CAPN7: variants seen among roughly 807,000 people sequenced by gnomAD.
The protein encoded by CAPN7 is calpain-7.
In CAPN7, 72 loss-of-function variants were observed where a neutral mutation model predicts 115.2. The ratio of observed to expected loss-of-function variants is 0.63; its 90% CI spans 0.52 to 0.76. The LOEUF (loss-of-function observed/expected upper bound fraction) is 0.76. Ranked by LOEUF, CAPN7 falls within the 30% of genes least tolerant of loss-of-function variation. CAPN7 has a pLI of 0.00. For missense variants in CAPN7, 905 were observed against 971.5 expected (o/e 0.93, Z 0.91); for synonymous variants, 344 against 322.3 (o/e 1.07, Z -0.72).
In CAPN7 at chr3:15,220,891, C is replaced by G. The variant is rs751758328; in HGVS notation, c.548C>G (p.Pro183Arg). Residue 183 changes from proline to arginine, a missense_variant, in exon 5 of 21, where the codon CCC becomes CGC. Physicochemically the swap from Pro to Arg is moderately radical, Grantham distance 103. Around this residue, in one of 3 missense-constraint regions of CAPN7, gnomAD observed 271 missense variants for 239.6 expected, o/e 1.13. Transcript: ENST00000253693. ...VRAHFPLGANPFLERPQSFIS... is the reference protein window; with the variant it reads ...VRAHFPLGANRFLERPQSFIS... Reference sequence around the variant, plus strand: ...GCACATTTTCCACTGGGCGCTAATCCCTTCCTTGAAAGACCTCAGTCATTT... The same window carrying G: ...GCACATTTTCCACTGGGCGCTAATCGCTTCCTTGAAAGACCTCAGTCATTT... 6 of 1,614,042 alleles carry G rather than the reference C, an allele frequency of 3.7e-6. No homozygotes were observed. Among genetic ancestry groups the G allele is most frequent in the Admixed American group, 1.7e-5 (1 of 59,992 alleles).
intron 19 of CAPN7, among the ~76,000 whole-genome samples, chr3:15,250,636 C>T (rs964191884): frequency 2.0e-5 from 3 of 152,188 alleles, no homozygotes; most frequent in African/African-American, 7.2e-5. Flanking sequence ...CGTGCCTCTG[C>T]ACTCTAACCT....
chr3:15,240,737 A>T lies in CAPN7; in HGVS notation c.1553-17A>T, dbSNP rs1452998107. 6.3e-7 allele frequency: 1 copy of T among 1,585,450 alleles called. No homozygotes were observed. The highest frequency in any genetic ancestry group is 8.6e-7 in the Non-Finnish European group (1 of 1,158,954). ...GCATTAAGATTTTTTTAGATTAACAAAGATATTAATTTTCAGGAATATTTT... is the reference window on the plus strand; with the variant it reads ...GCATTAAGATTTTTTTAGATTAACATAGATATTAATTTTCAGGAATATTTT... On this transcript the variant is annotated splice_polypyrimidine_tract_variant and intron_variant, in intron 13 of 20. Transcript: ENST00000253693.
chr3:15,240,518 T>G lies in CAPN7; in HGVS notation c.1453T>G (p.Trp485Gly), dbSNP rs1328783083. The change falls in exon 13 of 21, where the codon TGG becomes GGG. Residue 485 changes from tryptophan (W) to glycine (G), a missense_variant. By Grantham distance (184) the Trp-to-Gly change is radical (BLOSUM62 -2). Around this residue, in one of 3 missense-constraint regions of CAPN7, gnomAD observed 620 missense variants for 703.4 expected, o/e 0.88. Coordinates refer to ENST00000253693, the MANE Select transcript of CAPN7 (RefSeq NM_014296.3). ...QLKNPWSHLR[W>G]KGRYSENDVK... ...GAAAAATCCTTGGAGTCATTTACGT[T>G]GGAAAGGAAGATACAGTGAAAATGA... 1 of 1,612,454 alleles carries G rather than the reference T, an allele frequency of 6.2e-7. No individual in the cohort carries two copies. Among genetic ancestry groups the G allele is most frequent in the Non-Finnish European group, 8.5e-7 (1 of 1,179,622 alleles).
chr3:15,247,270 C>A (rs878920445), intron 18 of CAPN7, 57 bp from the exon 19 acceptor site: 2 of 1,146,952 alleles, frequency 1.7e-6, no homozygotes, highest in South Asian at 2.1e-5. Context: ...GGAGTTTTGT[C>A]TTTAAGTGGA....
Position 15,232,576 on chromosome 3 carries a change from T to A in CAPN7, c.1090T>A (p.Ser364Thr). Reference protein sequence around the residue: ...DHKGELLCSYSNNKSELWVSL... With the variant: ...DHKGELLCSYTNNKSELWVSL... ...CAAGGGAGAATTGCTCTGTTCTTAT[T>A]CCAACAACAAAAGTGAATTATGGGT... The change falls in exon 10 of 21, where the codon TCC becomes ACC. Residue 364 changes from serine (S) to threonine (T), a missense_variant. Coordinates refer to ENST00000253693, the MANE Select transcript of CAPN7 (RefSeq NM_014296.3). 6.2e-7 allele frequency: 1 copy of A among 1,612,518 alleles called. No homozygotes were observed.
Position 15,247,315 on chromosome 3 carries a change from T to C in CAPN7, c.2074-12T>C. On this transcript the variant is annotated splice_polypyrimidine_tract_variant and intron_variant, in intron 18 of 20. Coordinates refer to ENST00000253693, the MANE Select transcript of CAPN7 (RefSeq NM_014296.3). ...GAAATTTTGTTAATACTAAAACTTT[T>C]GTTTTTATTAGATTAATGGAAAGTG... The C allele has an allele frequency of 2.0e-6, 3 of 1,528,952 alleles. No individual in the cohort carries two copies. The highest frequency in any genetic ancestry group is 1.8e-6 in the Non-Finnish European group (2 of 1,142,250). The allele number at this position is 1,528,952 out of a possible 1,614,324, so 94.7% of individuals were successfully genotyped here.
chr3:15,215,742 T>C (rs1011109598), intron 2 of CAPN7, among the ~76,000 whole-genome samples: 1 of 152,252 alleles, frequency 6.6e-6, no homozygotes, highest in African/African-American at 2.4e-5. Flanking sequence ...TCATTAGTTT[T>C]TGGAGACATT....
In CAPN7 at chr3:15,244,780, G is replaced by C. The variant is rs967516566; in HGVS notation, c.1865-746G>C. 3.9e-5 allele frequency among the ~76,000 whole-genome samples: 6 copies of C among 152,166 alleles called. No individual in the cohort carries two copies. In the East Asian group the frequency reaches 1.2e-3, roughly 29 times the overall value. On this transcript the variant is annotated intron_variant, in intron 16 of 20. Transcript: ENST00000253693. ...ATATTGAAAATAATCTGAATATCCA[G>C]ATTTTCTAAATAAGCAATTGGGGGT...
intron 19 of CAPN7, among the ~76,000 whole-genome samples, chr3:15,249,884 C>G (rs1336051033): frequency 6.6e-6 from 1 of 151,686 alleles, no homozygotes; most frequent in Non-Finnish European, 1.5e-5. Flanking sequence ...CCTGCCTCAG[C>G]CTCCCAAGTA....
In CAPN7 at chr3:15,218,505, T is replaced by G. The variant is rs1237617200; in HGVS notation, c.402T>G (p.Asn134Lys). The G allele has an allele frequency of 6.2e-7, 1 of 1,613,556 alleles. No individual in the cohort carries two copies. Reference sequence around the variant, plus strand: ...AAACTGCTGATAAAGTCCTGCAAAATAAACTGAAACAGTTGGCTCGACAGG... The same window carrying G: ...AAACTGCTGATAAAGTCCTGCAAAAGAAACTGAAACAGTTGGCTCGACAGG... ...SYETADKVLQ[N>K]KLKQLARQAL... Residue 134 changes from asparagine to lysine, a missense_variant, in exon 4 of 21, where the codon AAT (asparagine) becomes AAG (lysine). Physicochemically the swap from Asn to Lys is moderately conservative, Grantham distance 94. Transcript: ENST00000253693.
intron 5 of CAPN7, among the ~76,000 whole-genome samples, chr3:15,223,223 C>A (rs1345480799): frequency 6.6e-6 from 1 of 152,098 alleles, no homozygotes; most frequent in Admixed American, 6.5e-5. Context: ...CTTTCATTAC[C>A]TCTTGAATAG....
rs151033247 is a variant in CAPN7, at chr3:15,251,305, G to C, written c.*45G>C. On this transcript the variant is annotated 3_prime_UTR_variant, in exon 21 of 21. Transcript: ENST00000253693. Reference sequence around the variant, plus strand: ...TGGCTTTTATACTTACCAAACATCAGTTCTTCAAATAAGGACGCAAATCTT... The same window carrying C: ...TGGCTTTTATACTTACCAAACATCACTTCTTCAAATAAGGACGCAAATCTT... 766 of 1,488,754 alleles carry C rather than the reference G, an allele frequency of 5.1e-4. 3 individuals are homozygous for C. The African/African-American group carries it at 8.1e-3, about 16-fold the overall frequency. The allele number at this position is 1,488,754 out of a possible 1,614,324, so 92.2% of individuals were successfully genotyped here. A position where few individuals can be genotyped will look rare whatever the true frequency, so the allele number is the denominator to read the frequency against.
At chr3:15,212,348 G>A in intron 2 of CAPN7, 136 bp downstream of exon 2, 3 of 532,128 alleles carry the variant, frequency 5.6e-6, no homozygotes, top group Non-Finnish European at 1.0e-5. Flanking sequence ...TTCCACTTTT[G>A]GTAATCACCT....
intron 5 of CAPN7, among the ~76,000 whole-genome samples, chr3:15,221,688 G>A (rs977857445): frequency 1.3e-5 from 2 of 152,034 alleles, no homozygotes; most frequent in Non-Finnish European, 2.9e-5. Flanking sequence ...AGGAGTGTAG[G>A]TGGTGTGCTG....
intron 1 of CAPN7, among the ~76,000 whole-genome samples, chr3:15,211,659 C>G (rs1407928132): frequency 1.3e-5 from 2 of 151,948 alleles, no homozygotes; most frequent in Non-Finnish European, 2.9e-5. Flanking sequence ...CTTTGGGAGG[C>G]CGAGGTGGGC....
intron 4 of CAPN7, among the ~76,000 whole-genome samples, chr3:15,220,455 A>G (rs1354406994): frequency 6.6e-6 from 1 of 151,942 alleles, no homozygotes; most frequent in African/African-American, 2.4e-5. Flanking sequence ...GTTATTTTTG[A>G]TGCAGTTGTC....
rs143004596 is a variant in CAPN7, at chr3:15,223,352, A to G, written c.639-123A>G. 1.8e-3 allele frequency: 1,153 copies of G among 655,602 alleles called. 5 individuals carry two copies. Among genetic ancestry groups the G allele is most frequent in the East Asian group, 0.012 (437 of 36,638 alleles). The allele number at this position is 655,602 out of a possible 1,614,324, so 40.6% of individuals were successfully genotyped here. A position where few individuals can be genotyped will look rare whatever the true frequency, so the allele number is the denominator to read the frequency against. ...TATTGTCCAAAGATATATCAACAAC[A>G]TGAGGTTGTCAGTTTAATTTTAATA... On this transcript the variant is annotated intron_variant, in intron 5 of 20. Transcript: ENST00000253693.
chr3:15,245,692 A>G (rs41276507), intron 17 of CAPN7, 21 bp downstream of exon 17: 158,797 of 1,604,014 alleles, frequency 0.099, 8,583 homozygotes, highest in Non-Finnish European at 0.11. Flanking sequence ...CCAACACACA[A>G]TGACAAAACA....
At position 15,206,357 on chromosome 3, in the gene CAPN7, T is replaced by C; in HGVS notation, c.-139T>C. ...AGCCCGGCAACGGGAAGGCGAGCTC[T>C]CCTCCACCGTCCAAAGTAAACTTTG... is the stretch of plus-strand genomic sequence containing the variant. On this transcript the variant is annotated 5_prime_UTR_variant, in exon 1 of 21. Coordinates refer to ENST00000253693, the MANE Select transcript of CAPN7 (RefSeq NM_014296.3). 1 of 626,354 alleles carries C rather than the reference T, an allele frequency of 1.6e-6. No individual in the cohort carries two copies. The highest frequency in any genetic ancestry group is 2.8e-6 in the Non-Finnish European group (1 of 363,144). The allele number at this position is 626,354 out of a possible 1,614,324, so 38.8% of individuals were successfully genotyped here.
Sources: allele counts gnomAD v4.1 joint callset (sites outside exome capture counted in the v4.1 genomes callset), GRCh38; gene constraint gnomAD v4.1.1; regional missense constraint gnomAD v4.1.1; transcripts MANE v1.5; gene names NCBI Gene and HGNC (gene_info 2026-07-23, HGNC 2026-07-21).